Variants in ATP11A observed in about 807,000 individuals in gnomAD.
ATP11A encodes the protein phospholipid-transporting ATPase IH.
ATP11A carries 81 observed loss-of-function variants against 154.4 expected under a neutral mutation model. The ratio of observed to expected loss-of-function variants is 0.52; its 90% confidence interval spans 0.44 to 0.63. ATP11A has a LOEUF of 0.63. ATP11A is among the 30% of genes least tolerant of loss of function. The probability of loss-of-function intolerance (pLI) is 0.00; values close to 1 mark genes in which losing one functional copy is unlikely to be tolerated. For synonymous variants in ATP11A, 623 were observed against 585.9 expected (o/e 1.06, Z -0.91); for missense variants, 1,316 against 1,474.3 (o/e 0.89, Z 1.76).
At chr13:112,712,524 G>C (rs929592326) in intron 1 of ATP11A, among the ~76,000 whole-genome samples, 1 of 152,142 alleles carries the variant, frequency 6.6e-6, no homozygotes, top group African/African-American at 2.4e-5. Flanking sequence ...ACCCCGTCCT[G>C]TCCTTGTCTA....
At chr13:112,781,050 CGTTT>C (rs2077486361) in intron 1 of ATP11A, among the ~76,000 whole-genome samples, 1 of 150,710 alleles carries the variant, frequency 6.6e-6, no homozygotes, top group African/African-American at 2.5e-5. Flanking sequence ...TTTGTTTGTT[CGTTT>C]GTTTGAGACG....
intron 28 of ATP11A, among the ~76,000 whole-genome samples, chr13:112,877,858 C>T (rs995656215): frequency 6.6e-6 from 1 of 152,224 alleles, no homozygotes; most frequent in Non-Finnish European, 1.5e-5. Context: ...TGGGTGGGCA[C>T]TTTGGGAATG....
intron 19 of ATP11A, 95 bp from the exon 20 acceptor site, chr13:112,855,815 AT>A: frequency 1.7e-6 from 2 of 1,162,132 alleles, no homozygotes; most frequent in Non-Finnish European, 2.4e-6. Context: ...AATCCCATGG[AT>A]TTGTAGCATC....
At chr13:112,757,225 T>C (rs1209127218) in intron 1 of ATP11A, among the ~76,000 whole-genome samples, 3 of 152,252 alleles carry the variant, frequency 2.0e-5, no homozygotes, top group African/African-American at 7.2e-5. Flanking sequence ...GGAATAGAGC[T>C]GTGCTCATGG....
chr13:112,873,885 C>T (rs1352403789), intron 27 of ATP11A, among the ~76,000 whole-genome samples: 2 of 152,054 alleles, frequency 1.3e-5, no homozygotes, highest in East Asian at 1.9e-4. Context: ...TTGCATCTTC[C>T]GGGGGAGAAA....
chr13:112,862,406 G>A (rs570304876), intron 24 of ATP11A, 34 bp from the exon 25 acceptor site: 12 of 1,610,870 alleles, frequency 7.4e-6, no homozygotes, highest in African/African-American at 1.3e-5. Context: ...CCTGATTCTC[G>A]AGGACACACG....
At chr13:112,878,039 A>G (rs2080781308) in intron 28 of ATP11A, among the ~76,000 whole-genome samples, 178 bp from the exon 29 acceptor site, 1 of 152,208 alleles carries the variant, frequency 6.6e-6, no homozygotes, top group African/African-American at 2.4e-5. Context: ...GGGGGGCACC[A>G]GTGTCCGCCC....
At chr13:112,878,026 G>A (rs1037003445) in intron 28 of ATP11A, among the ~76,000 whole-genome samples, 191 bp from the exon 29 acceptor site, 10 of 152,214 alleles carry the variant, frequency 6.6e-5, no homozygotes, top group African/African-American at 1.9e-4. Flanking sequence ...GGCGGGTCAC[G>A]GTGGGGGGCA....
At chr13:112,781,293 G>A (rs757178160) in intron 1 of ATP11A, among the ~76,000 whole-genome samples, 26 of 151,780 alleles carry the variant, frequency 1.7e-4, no homozygotes, top group African/African-American at 3.9e-4. Context: ...GCCTGCCTTC[G>A]CCTCCCAAAG....
chr13:112,723,687 G>A (rs1025467005), intron 1 of ATP11A, among the ~76,000 whole-genome samples: 1 of 152,068 alleles, frequency 6.6e-6, no homozygotes, highest in Non-Finnish European at 1.5e-5. Context: ...GTCATGGCTG[G>A]GAGCTCAGTT....
At chr13:112,860,816 T>G (rs547573315) in intron 24 of ATP11A, 1 of 156,380 alleles carries the variant, frequency 6.4e-6, no homozygotes, top group African/African-American at 2.4e-5. Context: ...TCAGGGTGTC[T>G]TTTCTCCCCG....
At chr13:112,853,066 T>C (rs2140330421) in intron 18 of ATP11A, among the ~76,000 whole-genome samples, 1 of 152,182 alleles carries the variant, frequency 6.6e-6, no homozygotes, top group Non-Finnish European at 1.5e-5. Context: ...TGAATTTTTT[T>C]TTAATTAGTC....
chr13:112,879,997 T>C (rs1304187535), intron 29 of ATP11A, among the ~76,000 whole-genome samples: 1 of 152,244 alleles, frequency 6.6e-6, no homozygotes, highest in East Asian at 1.9e-4. Context: ...CTACTTCTCC[T>C]CACCTGGGCG....
At chr13:112,805,802 G>A (rs2078307160) in intron 3 of ATP11A, among the ~76,000 whole-genome samples, 1 of 152,224 alleles carries the variant, frequency 6.6e-6, no homozygotes, top group Non-Finnish European at 1.5e-5. Context: ...AGGGAGCAAT[G>A]TGCCAAATGT....
At chr13:112,694,568 C>T (rs943215256) in intron 1 of ATP11A, among the ~76,000 whole-genome samples, 1 of 152,174 alleles carries the variant, frequency 6.6e-6, no homozygotes, top group Non-Finnish European at 1.5e-5. Context: ...GGATGCTTCC[C>T]TCCCTCTTCC....
chr13:112,777,288 G>C (rs987373764), intron 1 of ATP11A, among the ~76,000 whole-genome samples: 7 of 152,190 alleles, frequency 4.6e-5, no homozygotes, highest in African/African-American at 1.7e-4. Context: ...CTAAGGCTGG[G>C]CATGGTGGCT....
chr13:112,862,756 C>T (rs1181231250), intron 25 of ATP11A, among the ~76,000 whole-genome samples, 181 bp downstream of exon 25: 1 of 147,566 alleles, frequency 6.8e-6, no homozygotes, highest in Non-Finnish European at 1.5e-5. Context: ...TCCATCACCA[C>T]ATGTGCCGTA....
rs909472519 is a variant in ATP11A at position 112,810,609 on chromosome 13, C to T, written c.334-10C>T. ...GCTTCCTCTCTCCCTTCTTTCCTTCCTTTTTTTAGGGTTATGAAGACTGGC... is the reference window on the plus strand; with the variant it reads ...GCTTCCTCTCTCCCTTCTTTCCTTCTTTTTTTTAGGGTTATGAAGACTGGC... On this transcript the variant is annotated splice_polypyrimidine_tract_variant and intron_variant, in intron 4 of 29. Coordinates refer to ENST00000375645, the MANE Select transcript of ATP11A (RefSeq NM_015205.3). 1.9e-6 allele frequency: 3 copies of T among 1,611,004 alleles called. No individual in the cohort carries two copies. Among genetic ancestry groups the T allele is most frequent in the African/African-American group, 2.7e-5 (2 of 74,828 alleles).
In ATP11A at chr13:112,883,033, C is replaced by T. The variant is rs954146282; in HGVS notation, c.*1167C>T. On this transcript the variant is annotated 3_prime_UTR_variant, in exon 30 of 30. Transcript: ENST00000375645. ...TCGTCCCATCCCCACGTCCCCTCAT[C>T]CCGTCACCTCGTCCCCACATCCCCT... The T allele has an allele frequency of 5.8e-5, 23 of 397,538 alleles. No individual in the cohort carries two copies. The highest frequency in any genetic ancestry group is 8.8e-5 in the Admixed American group (2 of 22,602). The allele number at this position is 397,538 out of a possible 1,614,324, so 24.6% of individuals were successfully genotyped here.
Sources: gnomAD v4.1 joint callset for allele counts (sites outside exome capture counted in the v4.1 genomes callset) on GRCh38, gnomAD v4.1.1 for gene constraint, MANE v1.5 for transcripts, NCBI Gene and HGNC (gene_info 2026-07-23, HGNC 2026-07-21) for gene names.